CRACD: variants seen among roughly 807,000 people sequenced by gnomAD.
CRACD encodes capping protein-inhibiting regulator of actin dynamics.
In CRACD, 56 loss-of-function variants were observed where a neutral mutation model predicts 106.8. The ratio of observed to expected loss-of-function variants is 0.52; its 90% CI spans 0.42 to 0.66. CRACD has a LOEUF of 0.66. CRACD is among the 30% of genes least tolerant of loss of function. The probability of loss-of-function intolerance (pLI) is 0.00; values close to 1 mark genes in which losing one functional copy is unlikely to be tolerated. For synonymous variants in CRACD, 754 were observed against 670.8 expected, an observed-to-expected ratio of 1.12 and a Z score of -1.92; for missense variants, 1,730 against 1,623.2, an observed-to-expected ratio of 1.07 and a Z score of -1.13.
chr4:56,301,329 A>T (rs961849310), intron 4 of CRACD: 1 of 969,108 alleles, frequency 1.0e-6, no homozygotes, highest in Non-Finnish European at 1.4e-6. Context: ...GCTGGTATTG[A>T]TGCTTAGTAA....
At position 56,213,539 on chromosome 4, in the gene CRACD, C is replaced by A. The variant is rs180883346; in HGVS notation, c.-189+34109C>A. On this transcript the variant is annotated intron_variant, in intron 2 of 10. Coordinates refer to ENST00000682029, the MANE Select transcript of CRACD (RefSeq NM_001393381.1). ...CTCCACTTCCACAGCCCCTACACCC[C>A]CAATCCCCAGGCCAGAGTACATTCA... is the stretch of plus-strand genomic sequence containing the variant. Among the ~76,000 whole-genome samples the A allele has an allele frequency of 3.2e-3, 488 of 152,300 alleles. 3 individuals are homozygous for A. Among genetic ancestry groups the A allele is most frequent in the Non-Finnish European group, 3.2e-3 (219 of 68,018 alleles).
At chr4:56,210,769 T>A (rs6554336) in intron 2 of CRACD, among the ~76,000 whole-genome samples, 13,411 of 152,184 alleles carry the variant, frequency 0.088, 1,795 homozygotes, top group African/African-American at 0.29. Flanking sequence ...GTTAGATGAG[T>A]TAAAGGTGTA....
chr4:56,286,631 G>C (rs1743375907), intron 3 of CRACD, among the ~76,000 whole-genome samples: 1 of 151,294 alleles, frequency 6.6e-6, no homozygotes, highest in Admixed American at 6.6e-5. Flanking sequence ...TATTGCAATA[G>C]AGTGGAGGTA....
chr4:56,252,379 T>A (rs4865079), intron 2 of CRACD, among the ~76,000 whole-genome samples: 16,134 of 152,172 alleles, frequency 0.11, 2,252 homozygotes, highest in East Asian at 0.61. Flanking sequence ...ACAGGCTCCA[T>A]CTTCTTACAT....
intron 6 of CRACD, 39 bp downstream of exon 6, chr4:56,310,773 T>C (rs747739072): frequency 6.4e-6 from 9 of 1,405,952 alleles, no homozygotes; most frequent in South Asian, 2.4e-5. Context: ...CTTCTTTCCT[T>C]ACTTAACTTT....
At chr4:56,326,351 A>G (rs921716145) in intron 10 of CRACD, among the ~76,000 whole-genome samples, 4 of 152,206 alleles carry the variant, frequency 2.6e-5, no homozygotes, top group Admixed American at 6.5e-5. Context: ...AGTGAGAAAA[A>G]GAGAGAGAAT....
At position 56,159,751 on chromosome 4, in the gene CRACD, AAAAATATT is replaced by A. The variant is rs1304097433; in HGVS notation, c.-335-19520_-335-19513del. On this transcript the variant is annotated intron_variant, in intron 1 of 10. Transcript: ENST00000682029. ...CCTACAGTCTCATCTCCTTGAGTTA[AAAAATATT>A]AAAATATTAAAAATAACTTTATTGT... is the stretch of plus-strand genomic sequence containing the variant. 5.9e-5 allele frequency among the ~76,000 whole-genome samples: 9 copies of A among 152,316 alleles called. No individual in the cohort carries two copies. The East Asian group carries it at 1.7e-3, about 29-fold the overall frequency.
chr4:56,281,533 G>A (rs555899505), intron 3 of CRACD, among the ~76,000 whole-genome samples: 24 of 137,118 alleles, frequency 1.8e-4, no homozygotes, highest in Middle Eastern at 3.7e-3. Flanking sequence ...CCTAGCTAGC[G>A]CCTTCGTCTC....
intron 1 of CRACD, among the ~76,000 whole-genome samples, chr4:56,061,297 A>T (rs1432256207): frequency 2.0e-5 from 3 of 152,098 alleles, no homozygotes; most frequent in African/African-American, 4.8e-5. Context: ...CAGCCTCCCA[A>T]GTAGCTGGGA....
chr4:56,282,669 C>G (rs993077787), intron 3 of CRACD, among the ~76,000 whole-genome samples: 1 of 152,158 alleles, frequency 6.6e-6, no homozygotes, highest in Non-Finnish European at 1.5e-5. Flanking sequence ...CAGGGAGTGG[C>G]CTTTTGTCCT....
At chr4:56,133,081 A>G (rs1734881754) in intron 1 of CRACD, among the ~76,000 whole-genome samples, 1 of 152,200 alleles carries the variant, frequency 6.6e-6, no homozygotes, top group Non-Finnish European at 1.5e-5. Flanking sequence ...ACCCTCGCTG[A>G]GTCACTATTT....
At chr4:56,126,798 C>G (rs1197631747) in intron 1 of CRACD, among the ~76,000 whole-genome samples, 2 of 151,928 alleles carry the variant, frequency 1.3e-5, no homozygotes, top group African/African-American at 2.4e-5. Flanking sequence ...GTGTTCTAAC[C>G]CTATTATTTT....
chr4:56,197,867 C>CT (rs1737691346), intron 2 of CRACD, among the ~76,000 whole-genome samples: 1 of 152,022 alleles, frequency 6.6e-6, no homozygotes, highest in Admixed American at 6.6e-5. Flanking sequence ...TTAGTAGAGA[C>CT]GGGGTTTCAC....
intron 2 of CRACD, among the ~76,000 whole-genome samples, chr4:56,219,829 T>C (rs1738929895): frequency 2.0e-5 from 3 of 152,212 alleles, no homozygotes; most frequent in Admixed American, 2.0e-4. Flanking sequence ...TAGACAGTAA[T>C]GATTTAGGTC....
At chr4:56,286,199 C>G (rs1273571042) in intron 3 of CRACD, among the ~76,000 whole-genome samples, 1 of 151,960 alleles carries the variant, frequency 6.6e-6, no homozygotes, top group Non-Finnish European at 1.5e-5. Context: ...TTGAGACCAG[C>G]CTGGCCAACA....
At chr4:56,309,876 G>A (rs758694013) in intron 5 of CRACD, among the ~76,000 whole-genome samples, 1 of 151,746 alleles carries the variant, frequency 6.6e-6, no homozygotes, top group Non-Finnish European at 1.5e-5. Flanking sequence ...TATATATAAA[G>A]TAAAAAGTTA....
intron 5 of CRACD, chr4:56,308,833 G>A: frequency 7.8e-7 from 1 of 1,287,430 alleles, no homozygotes; most frequent in African/African-American, 1.5e-5. Context: ...TGGTGCAGGG[G>A]TATCCTGAGA....
intron 1 of CRACD, among the ~76,000 whole-genome samples, chr4:56,152,853 C>T (rs1371231413): frequency 6.6e-6 from 1 of 152,224 alleles, no homozygotes; most frequent in Non-Finnish European, 1.5e-5. Context: ...GGAATGCCCT[C>T]TTCACCTGTA....
chr4:56,214,681 C>CTCTCTATATA lies in CRACD; in HGVS notation c.-189+35252_-189+35253insCTCTATATAT. Among the ~76,000 whole-genome samples the CTCTCTATATA allele has an allele frequency of 2.0e-3, 165 of 80,992 alleles. 2 individuals carry two copies. Among genetic ancestry groups the CTCTCTATATA allele is most frequent in the African/African-American group, 6.0e-3 (142 of 23,488 alleles). 53.1% of individuals were successfully genotyped at this position (80,992 alleles called of 152,430 possible). On this transcript the variant is annotated intron_variant, in intron 2 of 10. Transcript: ENST00000682029. ...TCTCTCTCTCTCTCTCTCTCTCTCT[C>CTCTCTATATA]TATATATATATATATCAAACAGTTA... is the stretch of plus-strand genomic sequence containing the variant.
Sources: gnomAD v4.1 joint callset for allele counts (sites outside exome capture counted in the v4.1 genomes callset) on GRCh38, gnomAD v4.1.1 for gene constraint, MANE v1.5 for transcripts, NCBI Gene and HGNC (gene_info 2026-07-23, HGNC 2026-07-21) for gene names.